Variants in C6 observed in about 807,000 individuals in gnomAD.
C6 encodes the protein complement C6, also known as complement component C6.
Under a neutral mutation model 112.9 loss-of-function variants are expected in C6, and 101 were observed. The ratio of observed to expected loss-of-function variants is 0.89; its 90% confidence interval spans 0.76 to 1.06. The LOEUF (loss-of-function observed/expected upper bound fraction) is 1.06. Ranked by LOEUF, C6 falls within the 50% of genes least tolerant of loss-of-function variation. The probability of loss-of-function intolerance (pLI) is 0.00; values close to 1 mark genes in which losing one functional copy is unlikely to be tolerated. For missense variants in C6, 1,202 were observed against 1,104.6 expected (o/e 1.09, Z -1.25); for synonymous variants, 431 against 384.1 (o/e 1.12, Z -1.43).
intron 1 of C6, among the ~76,000 whole-genome samples, chr5:41,204,551 C>G (rs948183531): frequency 6.6e-6 from 1 of 151,524 alleles, no homozygotes; most frequent in Non-Finnish European, 1.5e-5. Context: ...AAATGGGGTT[C>G]ATCATTTGAT....
intron 7 of C6, among the ~76,000 whole-genome samples, chr5:41,181,115 A>G (rs1448846342): frequency 1.3e-5 from 2 of 151,862 alleles, no homozygotes; most frequent in Non-Finnish European, 2.9e-5. Context: ...CAACAATATG[A>G]AAAAAAAGTG....
At chr5:41,186,254 C>T (rs763487973) in intron 5 of C6, 46 bp from the exon 6 acceptor site, 2 of 1,605,524 alleles carry the variant, frequency 1.2e-6, no homozygotes, top group African/African-American at 1.3e-5. Context: ...GTAGAACAAT[C>T]TTTAAAATTT....
chr5:41,172,380 G>C (rs1360262038), intron 8 of C6, 33 bp from the exon 9 acceptor site: 2 of 1,610,148 alleles, frequency 1.2e-6, no homozygotes, highest in East Asian at 4.5e-5. Context: ...AAACCACTGA[G>C]AATGCACCAT....
intron 1 of C6, among the ~76,000 whole-genome samples, chr5:41,219,298 T>G (rs1739022475): frequency 6.6e-6 from 1 of 152,174 alleles, no homozygotes; most frequent in South Asian, 2.1e-4. Context: ...TCTGGACCTC[T>G]TCTTTTAGGT....
intron 8 of C6, among the ~76,000 whole-genome samples, chr5:41,175,840 G>C (rs891468110): frequency 3.3e-5 from 5 of 152,152 alleles, no homozygotes; most frequent in African/African-American, 1.2e-4. Context: ...CCAGTGGAAA[G>C]GATAACTGAA....
intron 1 of C6, among the ~76,000 whole-genome samples, chr5:41,251,615 T>C (rs1201145004): frequency 1.3e-5 from 2 of 152,242 alleles, no homozygotes; most frequent in African/African-American, 4.8e-5. Flanking sequence ...TTCAGCTTTA[T>C]GCTTACACTA....
chr5:41,169,688 A>G (rs1451370406), intron 9 of C6, among the ~76,000 whole-genome samples: 1 of 152,080 alleles, frequency 6.6e-6, no homozygotes, highest in Non-Finnish European at 1.5e-5. Context: ...CTGGAGTGGT[A>G]GGAGGAGGGT....
intron 1 of C6, among the ~76,000 whole-genome samples, chr5:41,210,889 A>G (rs1482073292): frequency 6.6e-6 from 1 of 152,218 alleles, no homozygotes; most frequent in Non-Finnish European, 1.5e-5. Context: ...GTTACTGGGT[A>G]TCTACCCAAA....
At chr5:41,259,685 A>C (rs1289231754) in intron 1 of C6, among the ~76,000 whole-genome samples, 1 of 152,198 alleles carries the variant, frequency 6.6e-6, no homozygotes, top group African/African-American at 2.4e-5. Context: ...CCTTAACTCT[A>C]ATTTTAGGAA....
At chr5:41,239,180 T>TTGG in intron 1 of C6, among the ~76,000 whole-genome samples, 1 of 150,928 alleles carries the variant, frequency 6.6e-6, no homozygotes, top group East Asian at 2.0e-4. Flanking sequence ...TGGCATGTTC[T>TTGG]TGGTTCACTG....
At chr5:41,232,449 T>A (rs149424437) in intron 1 of C6, among the ~76,000 whole-genome samples, 69 of 152,254 alleles carry the variant, frequency 4.5e-4, no homozygotes, top group African/African-American at 1.5e-3. Context: ...GGTTTCTTGA[T>A]CAGTAAAGTA....
intron 1 of C6, among the ~76,000 whole-genome samples, chr5:41,244,413 A>G (rs932237244): frequency 6.6e-6 from 1 of 152,194 alleles, no homozygotes; most frequent in Non-Finnish European, 1.5e-5. Context: ...AGAAAAAGTG[A>G]TAAGTTGAAT....
intron 9 of C6, among the ~76,000 whole-genome samples, chr5:41,167,884 C>T (rs1748111656): frequency 6.6e-6 from 1 of 152,048 alleles, no homozygotes; most frequent in Admixed American, 6.6e-5. Context: ...TTTACAGATT[C>T]ATAACTCATT....
intron 1 of C6, among the ~76,000 whole-genome samples, chr5:41,254,884 C>T (rs1001415527): frequency 3.6e-4 from 55 of 152,106 alleles, no homozygotes; most frequent in Admixed American, 1.2e-3. Context: ...GTTTTAGTCT[C>T]CTAGATAATT....
intron 2 of C6, among the ~76,000 whole-genome samples, chr5:41,202,525 A>G (rs1164525866): frequency 6.6e-6 from 1 of 152,254 alleles, no homozygotes; most frequent in Admixed American, 6.5e-5. Flanking sequence ...CACATTAAAT[A>G]TATGCTTTTC....
rs115148102 is a variant in C6 at position 41,191,511 on chromosome 5, C to T, written c.587+4281G>A. Among the ~76,000 whole-genome samples the T allele has an allele frequency of 3.8e-3, 585 of 152,288 alleles. 2 individuals are homozygous for T. The highest frequency in any genetic ancestry group is 0.014 in the African/African-American group (570 of 41,572). On this transcript the variant is annotated intron_variant, in intron 5 of 17. Transcript: ENST00000337836. Reference sequence around the variant, plus strand: ...TGTAGATTGCTTCGGGCAGTTGAGTCACTTTAACAATAGTAATATTCCAAT... The same window carrying T: ...TGTAGATTGCTTCGGGCAGTTGAGTTACTTTAACAATAGTAATATTCCAAT...
At chr5:41,162,613 C>A (rs1341976757) in intron 9 of C6, among the ~76,000 whole-genome samples, 1 of 151,980 alleles carries the variant, frequency 6.6e-6, no homozygotes, top group East Asian at 1.9e-4. Flanking sequence ...TAAGGAATTG[C>A]CATAAGAAAT....
At chr5:41,159,521 G>A in intron 11 of C6, 9 of 970,952 alleles carry the variant, frequency 9.3e-6, no homozygotes, top group Non-Finnish European at 1.1e-5. Context: ...AGAAACCTCT[G>A]TATTCTTGGC....
chr5:41,146,966 T>G (rs1451103596), intron 17 of C6, among the ~76,000 whole-genome samples: 1 of 152,112 alleles, frequency 6.6e-6, no homozygotes, highest in Non-Finnish European at 1.5e-5. Flanking sequence ...TGAAGACTGC[T>G]TCTCTATGAT....
Sources: gnomAD v4.1 joint callset for allele counts (sites outside exome capture counted in the v4.1 genomes callset) on GRCh38, gnomAD v4.1.1 for gene constraint, MANE v1.5 for transcripts, NCBI Gene and HGNC (gene_info 2026-07-23, HGNC 2026-07-21) for gene names.